Variants in RSPO2 observed in about 807,000 individuals in gnomAD.
The protein encoded by RSPO2 is R-spondin-2.
In RSPO2, 14 loss-of-function variants were observed where a neutral mutation model predicts 30.9. The ratio of observed to expected loss-of-function variants is 0.45; its 90% CI spans 0.30 to 0.71. The LOEUF is 0.71. Among genes scored for constraint, RSPO2 ranks in the 30% least tolerant of loss-of-function variants. RSPO2 has a pLI of 0.08. For synonymous variants in RSPO2, 107 were observed against 96.4 expected (o/e 1.11, Z -0.64); for missense variants, 264 against 301.9 (o/e 0.87, Z 0.93).
In RSPO2 at chr8:107,978,590, T is replaced by C. The variant is rs370254841; in HGVS notation, c.283+10466A>G. Reference sequence around the variant, plus strand: ...ACCATAAAAACCCTAGAAGAAAACCTAGGCAATACCACTCAGGACATAGGC... The same window carrying C: ...ACCATAAAAACCCTAGAAGAAAACCCAGGCAATACCACTCAGGACATAGGC... On this transcript the variant is annotated intron_variant, in intron 3 of 5. Coordinates refer to ENST00000276659, the MANE Select transcript of RSPO2 (RefSeq NM_178565.5). 3.5e-4 allele frequency among the ~76,000 whole-genome samples: 53 copies of C among 152,196 alleles called. 1 individual carries two copies. In the East Asian group the frequency reaches 7.5e-3, roughly 22 times the overall value.
intron 2 of RSPO2, among the ~76,000 whole-genome samples, chr8:108,056,060 C>T (rs1586663059): frequency 6.6e-6 from 1 of 152,156 alleles, no homozygotes; most frequent in Non-Finnish European, 1.5e-5. Context: ...CTCACAAGGT[C>T]ATTTGAGGAT....
intron 5 of RSPO2, among the ~76,000 whole-genome samples, chr8:107,949,796 C>A (rs899485283): frequency 7.9e-5 from 12 of 152,180 alleles, no homozygotes; most frequent in African/African-American, 2.9e-4. Context: ...GCGATGGTTA[C>A]ACTAAAAGCC....
At chr8:108,041,642 A>G (rs1311790957) in intron 2 of RSPO2, among the ~76,000 whole-genome samples, 3 of 152,196 alleles carry the variant, frequency 2.0e-5, no homozygotes, top group African/African-American at 7.2e-5. Context: ...CTTTAATCTT[A>G]TTAGTAAATT....
intron 2 of RSPO2, among the ~76,000 whole-genome samples, chr8:108,042,269 A>C (rs1811782171): frequency 6.6e-6 from 1 of 152,134 alleles, no homozygotes; most frequent in Non-Finnish European, 1.5e-5. Context: ...ATCATGAAGG[A>C]AGACCCCAAA....
intron 5 of RSPO2, among the ~76,000 whole-genome samples, chr8:107,942,314 T>G (rs1306799581): frequency 6.6e-6 from 1 of 152,172 alleles, no homozygotes; most frequent in East Asian, 1.9e-4. Flanking sequence ...TTTCAGCCCA[T>G]GTTAACATTT....
At chr8:108,055,963 A>G (rs1251023432) in intron 2 of RSPO2, among the ~76,000 whole-genome samples, 1 of 152,210 alleles carries the variant, frequency 6.6e-6, no homozygotes, top group East Asian at 1.9e-4. Flanking sequence ...TTCTAGTTCC[A>G]TCACTTATTA....
At chr8:107,959,015 A>T (rs1813532858) in intron 4 of RSPO2, among the ~76,000 whole-genome samples, 1 of 152,216 alleles carries the variant, frequency 6.6e-6, no homozygotes. Flanking sequence ...TAAAATGTGT[A>T]ATTTTTAAAA....
At chr8:108,072,483 G>A (rs1453422113) in intron 2 of RSPO2, among the ~76,000 whole-genome samples, 5 of 142,714 alleles carry the variant, frequency 3.5e-5, no homozygotes, top group Non-Finnish European at 7.6e-5. Flanking sequence ...CCGCCACCAA[G>A]CCCGGCTAAT....
At chr8:107,983,175 T>C (rs1814510346) in intron 3 of RSPO2, 4 of 1,546,782 alleles carry the variant, frequency 2.6e-6, no homozygotes, top group Middle Eastern at 2.3e-4. Flanking sequence ...GAGCAGACCG[T>C]TTATTAGCTG....
At chr8:108,003,322 T>A (rs112332384) in intron 2 of RSPO2, among the ~76,000 whole-genome samples, 86 of 43,294 alleles carry the variant, frequency 2.0e-3, no homozygotes, top group African/African-American at 6.0e-3. Flanking sequence ...TTTTTTTTTT[T>A]TTTTTTTTTT....
chr8:107,985,108 C>T (rs1260439106), intron 3 of RSPO2, among the ~76,000 whole-genome samples: 1 of 152,082 alleles, frequency 6.6e-6, no homozygotes, highest in East Asian at 1.9e-4. Context: ...ATGTGTTCAG[C>T]TTCATTTGTG....
At chr8:108,003,277 G>GTGTGTATA (rs1198114898) in intron 2 of RSPO2, among the ~76,000 whole-genome samples, 2 of 56,372 alleles carry the variant, frequency 3.5e-5, no homozygotes, top group Non-Finnish European at 6.9e-5. Context: ...GTGTGTGTGT[G>GTGTGTATA]TATATATATA....
chr8:107,958,645 G>T (rs534243514), intron 4 of RSPO2, among the ~76,000 whole-genome samples: 2 of 152,088 alleles, frequency 1.3e-5, no homozygotes, highest in Non-Finnish European at 2.9e-5. Flanking sequence ...CCATCACCCA[G>T]GTATTAAGCC....
At chr8:108,023,810 G>A (rs556548334) in intron 2 of RSPO2, among the ~76,000 whole-genome samples, 1 of 152,278 alleles carries the variant, frequency 6.6e-6, no homozygotes, top group South Asian at 2.1e-4. Context: ...GGCCAGGCTT[G>A]TGTTCTTTAA....
At chr8:108,071,048 A>C (rs544089587) in intron 2 of RSPO2, among the ~76,000 whole-genome samples, 1 of 152,264 alleles carries the variant, frequency 6.6e-6, no homozygotes, top group Admixed American at 6.5e-5. Flanking sequence ...ACAACAACAA[A>C]AAACGACTGC....
chr8:107,946,220 G>A lies in RSPO2; in HGVS notation c.616+11860C>T, dbSNP rs577414124. 5.3e-5 allele frequency among the ~76,000 whole-genome samples: 8 copies of A among 152,272 alleles called. No individual in the cohort carries two copies. The South Asian group carries it at 6.2e-4, about 12-fold the overall frequency. ...TGTGAAGCAAGCATCTGTTATCCCC[G>A]TAACATAGATGCTGACACTGAAGTT... On this transcript the variant is annotated intron_variant, in intron 5 of 5. Coordinates refer to ENST00000276659, the MANE Select transcript of RSPO2 (RefSeq NM_178565.5).
At chr8:107,988,162 G>T in intron 3 of RSPO2, among the ~76,000 whole-genome samples, 1 of 151,852 alleles carries the variant, frequency 6.6e-6, no homozygotes, top group South Asian at 2.1e-4. Flanking sequence ...ATGAAAAATT[G>T]CACCCTCATT....
At chr8:108,056,151 G>A (rs1251843196) in intron 2 of RSPO2, among the ~76,000 whole-genome samples, 1 of 152,146 alleles carries the variant, frequency 6.6e-6, no homozygotes, top group Non-Finnish European at 1.5e-5. Context: ...CTTGACTACA[G>A]TCTCACCACT....
chr8:108,015,453 C>T (rs1810856472), intron 2 of RSPO2, among the ~76,000 whole-genome samples: 1 of 152,138 alleles, frequency 6.6e-6, no homozygotes, highest in Non-Finnish European at 1.5e-5. Flanking sequence ...ATGGCAAAGA[C>T]TCTCTCCTTG....
Sources: allele counts gnomAD v4.1 joint callset (sites outside exome capture counted in the v4.1 genomes callset), GRCh38; gene constraint gnomAD v4.1.1; transcripts MANE v1.5; gene names NCBI Gene and HGNC (gene_info 2026-07-23, HGNC 2026-07-21).